The following TEX9 variants were observed in gnomAD, a reference collection of about 807,000 sequenced individuals.
TEX9 encodes testis-expressed protein 9.
A neutral mutation model predicts 59.6 loss-of-function variants in TEX9; 74 were observed. The observed-to-expected ratio is 1.24, with a 90% confidence interval of 1.03 to 1.51. The LOEUF (loss-of-function observed/expected upper bound fraction) is 1.51. Ranked by LOEUF, TEX9 falls within the 40% of genes most tolerant of loss-of-function variation. The pLI is 0.00. For missense variants in TEX9, 522 were observed against 447.8 expected (o/e 1.17, Z -1.49); for synonymous variants, 186 against 152.2 (o/e 1.22, Z -1.64).
chr15:56,346,256 C>G (rs1263907323), intron 1 of TEX9, among the ~76,000 whole-genome samples: 2 of 152,116 alleles, frequency 1.3e-5, no homozygotes, highest in African/African-American at 4.8e-5. Context: ...AGGAGAGAAG[C>G]AGGGAGTGAG....
At chr15:56,321,005 G>C (rs1167178221) in intron 1 of TEX9, among the ~76,000 whole-genome samples, 2 of 152,174 alleles carry the variant, frequency 1.3e-5, no homozygotes, top group African/African-American at 4.8e-5. Context: ...TACAATCGTA[G>C]CCTGCCAGAG....
chr15:56,300,049 C>T (rs79943574), intron 1 of TEX9, among the ~76,000 whole-genome samples: 6,683 of 152,106 alleles, frequency 0.044, 223 homozygotes, highest in Admixed American at 0.086. Flanking sequence ...CAGCGAGGTA[C>T]AGCACCAAGC....
chr15:56,293,559 TG>T (rs1346320187), intron 1 of TEX9, among the ~76,000 whole-genome samples: 1 of 151,690 alleles, frequency 6.6e-6, no homozygotes, highest in African/African-American at 2.4e-5. Context: ...TGTTCTGGGG[TG>T]GGGGGTGTAG....
intron 1 of TEX9, among the ~76,000 whole-genome samples, chr15:56,251,151 G>T (rs1161991371): frequency 6.6e-6 from 1 of 152,208 alleles, no homozygotes; most frequent in Non-Finnish European, 1.5e-5. Flanking sequence ...TCCCAAGGAT[G>T]AATTTCTATT....
At chr15:56,368,206 T>C (rs184935872) in intron 2 of TEX9, among the ~76,000 whole-genome samples, 17 of 152,288 alleles carry the variant, frequency 1.1e-4, no homozygotes, top group Non-Finnish European at 2.4e-4. Flanking sequence ...TCAAAACTTA[T>C]TTTTTCCCTA....
chr15:56,322,391 A>T (rs1206669929), intron 1 of TEX9, among the ~76,000 whole-genome samples: 1 of 152,196 alleles, frequency 6.6e-6, no homozygotes, highest in Non-Finnish European at 1.5e-5. Context: ...TTAGGGGGCA[A>T]TTATGGAATT....
chr15:56,422,584 C>T (rs1188386299), intron 10 of TEX9, among the ~76,000 whole-genome samples: 1 of 151,698 alleles, frequency 6.6e-6, no homozygotes, highest in Non-Finnish European at 1.5e-5. Context: ...ACTTCCATTA[C>T]CCCCCACCCT....
At chr15:56,336,706 A>G (rs1228906261) in intron 1 of TEX9, among the ~76,000 whole-genome samples, 1 of 152,222 alleles carries the variant, frequency 6.6e-6, no homozygotes, top group Non-Finnish European at 1.5e-5. Context: ...GTTGAATTGC[A>G]GTACAGTTGC....
chr15:56,402,320 G>A (rs1297188838), intron 9 of TEX9, among the ~76,000 whole-genome samples: 3 of 152,054 alleles, frequency 2.0e-5, no homozygotes, highest in East Asian at 1.9e-4. Flanking sequence ...CACGGATCCC[G>A]CAGAAATACA....
chr15:56,277,714 G>A (rs570129120), intron 1 of TEX9, among the ~76,000 whole-genome samples: 33 of 152,174 alleles, frequency 2.2e-4, no homozygotes, highest in African/African-American at 7.9e-4. Flanking sequence ...CATTTCATTA[G>A]AGAATTAGGT....
At chr15:56,343,111 A>T (rs982549011) in intron 1 of TEX9, among the ~76,000 whole-genome samples, 2 of 152,182 alleles carry the variant, frequency 1.3e-5, no homozygotes, top group African/African-American at 2.4e-5. Context: ...ATTAGGAAAG[A>T]AAAATCTGAT....
At chr15:56,361,483 TGC>T (rs1201164602), upstream of TEX9, among the ~76,000 whole-genome samples, 1 of 152,224 alleles carries the variant, frequency 6.6e-6, no homozygotes, top group Non-Finnish European at 1.5e-5. Context: ...GAATTTAATT[TGC>T]AAATATTTTG....
intron 9 of TEX9, chr15:56,395,504 C>G (rs1371626162): frequency 6.6e-6 from 1 of 152,140 alleles, no homozygotes; most frequent in African/African-American, 2.4e-5. Context: ...AATGGAATTG[C>G]TGGGTCATAT....
intron 1 of TEX9, among the ~76,000 whole-genome samples, chr15:56,359,391 T>A (rs2046749643): frequency 1.3e-5 from 2 of 152,194 alleles, no homozygotes; most frequent in African/African-American, 4.8e-5. Flanking sequence ...TAGTCCCTGG[T>A]AAACTCTGTT....
At chr15:56,251,237 T>TTG (rs1394116309) in intron 1 of TEX9, among the ~76,000 whole-genome samples, 1 of 152,150 alleles carries the variant, frequency 6.6e-6, no homozygotes, top group Non-Finnish European at 1.5e-5. Flanking sequence ...TAGTATGTTT[T>TTG]TGTTTTCTCC....
intron 12 of TEX9, among the ~76,000 whole-genome samples, chr15:56,434,848 T>C (rs1412378148): frequency 6.6e-6 from 1 of 152,102 alleles, no homozygotes; most frequent in Non-Finnish European, 1.5e-5. Flanking sequence ...TCTAGTCTTC[T>C]AATATTCCCT....
chr15:56,334,815 C>A (rs1337683831), intron 1 of TEX9, among the ~76,000 whole-genome samples: 1 of 151,990 alleles, frequency 6.6e-6, no homozygotes, highest in African/African-American at 2.4e-5. Context: ...GGAAAAAAAT[C>A]TAAAAATCTG....
At chr15:56,289,429 A>G (rs1475948811) in intron 1 of TEX9, among the ~76,000 whole-genome samples, 1 of 152,142 alleles carries the variant, frequency 6.6e-6, no homozygotes, top group African/African-American at 2.4e-5. Context: ...CTTGCTGGGT[A>G]GGGTGCAGCA....
intron 1 of TEX9, among the ~76,000 whole-genome samples, chr15:56,266,963 T>A (rs1201650878): frequency 6.6e-6 from 1 of 152,210 alleles, no homozygotes; most frequent in African/African-American, 2.4e-5. Flanking sequence ...GTGTCCCTAT[T>A]TCTCCACATC....
Sources: allele counts gnomAD v4.1 joint callset (sites outside exome capture counted in the v4.1 genomes callset), GRCh38; gene constraint gnomAD v4.1.1; transcripts MANE v1.5; gene names NCBI Gene and HGNC (gene_info 2026-07-23, HGNC 2026-07-21).